Variants in ADAMTS16 observed in about 807,000 individuals in gnomAD.
ADAMTS16 encodes ADAM metallopeptidase with thrombospondin type 1 motif 16.
Under a neutral mutation model 145.8 loss-of-function variants are expected in ADAMTS16, and 94 were observed. The ratio of observed to expected loss-of-function variants is 0.64; its 90% CI spans 0.55 to 0.77. The LOEUF (loss-of-function observed/expected upper bound fraction) is 0.77, where lower values mean the gene tolerates loss of function less well. ADAMTS16 is among the 30% of genes least tolerant of loss of function. The pLI is 0.00. For synonymous variants in ADAMTS16, 659 were observed against 604.3 expected (o/e 1.09, Z -1.33); for missense variants, 1,585 against 1,591.5 (o/e 1.00, Z 0.07).
chr5:5,251,106 G>A (rs1386706909), intron 17 of ADAMTS16, among the ~76,000 whole-genome samples: 1 of 152,184 alleles, frequency 6.6e-6, no homozygotes, highest in Non-Finnish European at 1.5e-5. Flanking sequence ...CAAGTTTTGG[G>A]CATGTTTTTC....
Position 5,237,095 on chromosome 5 carries a change from G to A in ADAMTS16, c.2150G>A (p.Cys717Tyr), listed in dbSNP as rs1274205723. The change falls in exon 14 of 23, where the codon TGT (cysteine) becomes TAT (tyrosine). Residue 717 changes from cysteine (C) to tyrosine (Y), a missense_variant. Around this residue, in one of 3 missense-constraint regions of ADAMTS16, gnomAD observed 834 missense variants for 811.7 expected, o/e 1.03. Coordinates refer to ENST00000274181, the MANE Select transcript of ADAMTS16 (RefSeq NM_139056.4). ...DSRNVCIDGI[C>Y]ERVGCDNVLG... ...CGTAATGTTTGTATAGATGGGATAT[G>A]TGAGGTAATCATGATCCTTCATTCA... 2 of 1,613,326 alleles carry A rather than the reference G, an allele frequency of 1.2e-6. No individual in the cohort carries two copies. Among genetic ancestry groups the A allele is most frequent in the South Asian group, 1.1e-5 (1 of 90,834 alleles).
chr5:5,190,883 C>T (rs1735646868), intron 7 of ADAMTS16, among the ~76,000 whole-genome samples: 1 of 152,154 alleles, frequency 6.6e-6, no homozygotes, highest in African/African-American at 2.4e-5. Flanking sequence ...ACTGCCCTAC[C>T]TCCAAAGAGT....
At chr5:5,241,935 T>C in intron 16 of ADAMTS16, 118 bp from the exon 17 acceptor site, 4 of 1,222,856 alleles carry the variant, frequency 3.3e-6, no homozygotes, top group Non-Finnish European at 4.5e-6. Flanking sequence ...ATGTATTTTA[T>C]CATCATAACA....
intron 17 of ADAMTS16, among the ~76,000 whole-genome samples, chr5:5,246,138 T>C (rs934096): frequency 0.3 from 45,113 of 152,150 alleles, 7,630 homozygotes; most frequent in East Asian, 0.48. Flanking sequence ...TGTCATCTTT[T>C]AAAGTCAGTA....
rs771551218 is a variant in ADAMTS16, at chr5:5,303,282, A to G, written c.2804A>G (p.Asn935Ser). ...SACPPSWSVGNWSACSRTCGG... is the reference protein window; with the variant it reads ...SACPPSWSVGSWSACSRTCGG... Reference sequence around the variant, plus strand: ...TCCCTGCCCAGCTGGTCCGTGGGGAACTGGAGTGCCTGCAGTCGGACGTGT... The same window carrying G: ...TCCCTGCCCAGCTGGTCCGTGGGGAGCTGGAGTGCCTGCAGTCGGACGTGT... Residue 935 changes from asparagine (N) to serine (S), a missense_variant, in exon 19 of 23, where the codon AAC becomes AGC. Physicochemically the swap from Asn to Ser is conservative, Grantham distance 46. Around this residue, in one of 3 missense-constraint regions of ADAMTS16, gnomAD observed 834 missense variants for 811.7 expected, o/e 1.03. Transcript: ENST00000274181. 1 of 1,581,776 alleles carries G rather than the reference A, an allele frequency of 6.3e-7. No individual in the cohort carries two copies. The highest frequency in any genetic ancestry group is 8.6e-7 in the Non-Finnish European group (1 of 1,161,540).
intron 3 of ADAMTS16, among the ~76,000 whole-genome samples, chr5:5,179,312 T>C (rs1428388076): frequency 6.6e-6 from 1 of 152,006 alleles, no homozygotes; most frequent in Non-Finnish European, 1.5e-5. Flanking sequence ...ACATCTATTC[T>C]AGGTTCTTAA....
chr5:5,293,524 AGGCCGGGTTTCAGGAGCTGAGGCG>A (rs1331683581), intron 18 of ADAMTS16, among the ~76,000 whole-genome samples: 2 of 152,092 alleles, frequency 1.3e-5, no homozygotes, highest in Non-Finnish European at 2.9e-5. Flanking sequence ...AGAGCACCCC[AGGCCGGGTTTCAGGAGCTGAGGCG>A]GGCAGGTCTG....
chr5:5,251,343 C>G (rs1293591825), intron 17 of ADAMTS16, among the ~76,000 whole-genome samples: 1 of 152,176 alleles, frequency 6.6e-6, no homozygotes, highest in African/African-American at 2.4e-5. Flanking sequence ...GCATGAACAG[C>G]CCACTTCTAA....
chr5:5,275,010 T>C (rs895275671), intron 18 of ADAMTS16, among the ~76,000 whole-genome samples: 1 of 152,188 alleles, frequency 6.6e-6, no homozygotes, highest in African/African-American at 2.4e-5. Flanking sequence ...AACTGGTGGA[T>C]AGATAGAATA....
chr5:5,172,942 C>T (rs1735085561), intron 3 of ADAMTS16, among the ~76,000 whole-genome samples: 1 of 152,068 alleles, frequency 6.6e-6, no homozygotes, highest in Non-Finnish European at 1.5e-5. Context: ...GTTGTATCCT[C>T]TTGTTGAACT....
chr5:5,287,080 A>G (rs899150514), intron 18 of ADAMTS16, among the ~76,000 whole-genome samples: 1 of 152,104 alleles, frequency 6.6e-6, no homozygotes. Context: ...TGTTCTACCT[A>G]CTCAATATAT....
chr5:5,160,277 T>G (rs1340837614), intron 3 of ADAMTS16, among the ~76,000 whole-genome samples: 3 of 152,218 alleles, frequency 2.0e-5, no homozygotes, highest in African/African-American at 7.2e-5. Context: ...TAGTGTTGCT[T>G]TGACATGTAA....
chr5:5,206,394 C>G (rs930376241), intron 9 of ADAMTS16, among the ~76,000 whole-genome samples: 1 of 106,434 alleles, frequency 9.4e-6, no homozygotes, highest in Non-Finnish European at 1.8e-5. Context: ...CCACTGCACT[C>G]CAGCCTGGGC....
chr5:5,182,012 G>A (rs749772443), intron 3 of ADAMTS16, 32 bp from the exon 4 acceptor site: 20 of 1,575,316 alleles, frequency 1.3e-5, no homozygotes, highest in Admixed American at 9.4e-5. Flanking sequence ...AAGTCTAATT[G>A]TGTTTTCTTT....
intron 10 of ADAMTS16, among the ~76,000 whole-genome samples, chr5:5,219,890 C>T (rs1736542918): frequency 6.6e-6 from 1 of 152,158 alleles, no homozygotes; most frequent in Non-Finnish European, 1.5e-5. Flanking sequence ...GCAAAATGCT[C>T]CCCAAAACTA....
At chr5:5,171,794 T>A (rs769744077) in intron 3 of ADAMTS16, among the ~76,000 whole-genome samples, 7 of 152,152 alleles carry the variant, frequency 4.6e-5, no homozygotes, top group Non-Finnish European at 1.0e-4. Flanking sequence ...ATAGGATGAG[T>A]TTGGAAGTAT....
intron 18 of ADAMTS16, among the ~76,000 whole-genome samples, chr5:5,292,641 G>A (rs889242721): frequency 1.3e-5 from 2 of 152,004 alleles, no homozygotes; most frequent in Non-Finnish European, 2.9e-5. Context: ...AAATGCCGTC[G>A]TGTGGCCTCC....
intron 21 of ADAMTS16, among the ~76,000 whole-genome samples, chr5:5,307,938 G>A (rs1055544924): frequency 5.3e-5 from 8 of 152,186 alleles, no homozygotes; most frequent in African/African-American, 1.9e-4. Flanking sequence ...TTTCCTGGGC[G>A]AGGGCAGCAG....
At chr5:5,249,251 CTT>C (rs1476299395) in intron 17 of ADAMTS16, among the ~76,000 whole-genome samples, 2 of 152,168 alleles carry the variant, frequency 1.3e-5, no homozygotes, top group African/African-American at 4.8e-5. Flanking sequence ...AAGAAAAACC[CTT>C]TGAAAACAGA....
Sources: allele counts gnomAD v4.1 joint callset (sites outside exome capture counted in the v4.1 genomes callset), GRCh38; gene constraint gnomAD v4.1.1; regional missense constraint gnomAD v4.1.1; transcripts MANE v1.5; gene names NCBI Gene and HGNC (gene_info 2026-07-23, HGNC 2026-07-21).